The following GALNTL6 variants were observed in gnomAD, a reference collection of about 807,000 sequenced individuals.
GALNTL6 encodes the protein polypeptide N-acetylgalactosaminyltransferase like 6, also known as polypeptide N-acetylgalactosaminyltransferase-like 6.
Under a neutral mutation model 73.7 loss-of-function variants are expected in GALNTL6, and 46 were observed. The ratio of observed to expected loss-of-function variants is 0.62; its 90% CI spans 0.49 to 0.80. The LOEUF (loss-of-function observed/expected upper bound fraction) is 0.80. Ranked by LOEUF, GALNTL6 falls within the 30% of genes least tolerant of loss-of-function variation. The pLI is 0.00. For missense variants in GALNTL6, 604 were observed against 755.0 expected (o/e 0.80, Z 2.34); for synonymous variants, 259 against 263.7 (o/e 0.98, Z 0.17).
At chr4:172,021,033 G>T (rs1467052132) in intron 2 of GALNTL6, among the ~76,000 whole-genome samples, 3 of 151,942 alleles carry the variant, frequency 2.0e-5, no homozygotes, top group African/African-American at 7.2e-5. Flanking sequence ...CATATCAACA[G>T]AATGAAGGAC....
At chr4:172,206,898 A>AG (rs917592767) in intron 2 of GALNTL6, among the ~76,000 whole-genome samples, 6 of 142,006 alleles carry the variant, frequency 4.2e-5, no homozygotes, top group African/African-American at 1.6e-4. Context: ...ACTCACTGCA[A>AG]GCTCCGCCTC....
At chr4:172,476,931 T>G in intron 5 of GALNTL6, among the ~76,000 whole-genome samples, 1 of 119,056 alleles carries the variant, frequency 8.4e-6, no homozygotes. Flanking sequence ...ACTTTTTTTT[T>G]TTTTTTTTTT....
intron 2 of GALNTL6, among the ~76,000 whole-genome samples, chr4:171,915,372 G>A (rs577049002): frequency 3.3e-5 from 5 of 152,192 alleles, no homozygotes; most frequent in South Asian, 2.1e-4. Context: ...AATAACTGAC[G>A]ATGATGCTTC....
intron 5 of GALNTL6, among the ~76,000 whole-genome samples, chr4:172,642,303 A>G (rs185864387): frequency 2.6e-5 from 4 of 152,222 alleles, no homozygotes; most frequent in Admixed American, 2.0e-4. Context: ...ATTATTCACA[A>G]TAACTAAGGT....
intron 10 of GALNTL6, among the ~76,000 whole-genome samples, chr4:173,005,017 C>A (rs1337783645): frequency 6.6e-6 from 1 of 152,160 alleles, no homozygotes; most frequent in African/African-American, 2.4e-5. Context: ...TCCCCTACCC[C>A]ACATCTACTA....
intron 3 of GALNTL6, among the ~76,000 whole-genome samples, chr4:172,242,147 A>G (rs1246141203): frequency 6.6e-6 from 1 of 152,142 alleles, no homozygotes; most frequent in African/African-American, 2.4e-5. Flanking sequence ...AACTCTGCCT[A>G]TGACATTTTA....
intron 2 of GALNTL6, among the ~76,000 whole-genome samples, chr4:172,152,648 G>T (rs1313369106): frequency 6.6e-6 from 1 of 152,102 alleles, no homozygotes; most frequent in South Asian, 2.1e-4. Context: ...GAGCTCTGAC[G>T]CTGAGGCTGG....
chr4:172,496,145 A>G lies in GALNTL6; in HGVS notation c.553+147456A>G, dbSNP rs545137185. Among the ~76,000 whole-genome samples the G allele has an allele frequency of 5.8e-4, 89 of 152,198 alleles. 1 individual carries two copies. The highest frequency in any genetic ancestry group is 1.2e-3 in the Non-Finnish European group (83 of 68,030). ...TTTTTAATCTCTCATACAAAAGTGT[A>G]GATGGAAATGTGAAAAAACAATTGT... On this transcript the variant is annotated intron_variant, in intron 5 of 12. Coordinates refer to ENST00000506823, the MANE Select transcript of GALNTL6 (RefSeq NM_001034845.3).
At chr4:172,121,413 G>T (rs951876687) in intron 2 of GALNTL6, among the ~76,000 whole-genome samples, 3 of 152,026 alleles carry the variant, frequency 2.0e-5, no homozygotes, top group Non-Finnish European at 4.4e-5. Context: ...AGCTCTATTT[G>T]TCAGGGTTTT....
intron 2 of GALNTL6, among the ~76,000 whole-genome samples, chr4:172,141,534 A>G (rs1321883349): frequency 6.6e-6 from 1 of 151,976 alleles, no homozygotes; most frequent in Non-Finnish European, 1.5e-5. Flanking sequence ...AACTCAAGGT[A>G]AAAATAAGCA....
At chr4:171,845,900 C>T (rs1735355853) in intron 2 of GALNTL6, among the ~76,000 whole-genome samples, 1 of 152,128 alleles carries the variant, frequency 6.6e-6, no homozygotes, top group Non-Finnish European at 1.5e-5. Flanking sequence ...AAATTGTGAA[C>T]ATACTCATCA....
rs150826404 is a variant in GALNTL6, at chr4:172,723,303, A to G, written c.554-86058A>G. ...GGGGGGCCAATATTCTACTAACCAC[A>G]GTATGATATAATGAAAAAGAGGACC... is the stretch of plus-strand genomic sequence containing the variant. On this transcript the variant is annotated intron_variant, in intron 5 of 12. Coordinates refer to ENST00000506823, the MANE Select transcript of GALNTL6 (RefSeq NM_001034845.3). 4.6e-5 allele frequency among the ~76,000 whole-genome samples: 7 copies of G among 152,330 alleles called. 1 individual carries two copies. Among genetic ancestry groups the G allele is most frequent in the African/African-American group, 1.7e-4 (7 of 41,582 alleles).
intron 2 of GALNTL6, among the ~76,000 whole-genome samples, chr4:172,095,126 A>G (rs1414842021): frequency 6.6e-6 from 1 of 152,064 alleles, no homozygotes; most frequent in African/African-American, 2.4e-5. Context: ...GGGTCCAAAA[A>G]GAAGAAGAAA....
chr4:172,409,176 T>C (rs1017747265), intron 5 of GALNTL6, among the ~76,000 whole-genome samples: 2 of 152,142 alleles, frequency 1.3e-5, no homozygotes, highest in African/African-American at 4.8e-5. Flanking sequence ...TTTCAAAACA[T>C]GTATTTCAGT....
At chr4:172,134,968 C>G (rs1017116144) in intron 2 of GALNTL6, among the ~76,000 whole-genome samples, 20 of 152,290 alleles carry the variant, frequency 1.3e-4, no homozygotes, top group Admixed American at 1.0e-3. Context: ...CCGCACCTAA[C>G]TACAAAGAGG....
rs5864170 is a variant in GALNTL6 at position 172,809,912 on chromosome 4, TAC to T, written c.739+404_739+405del. Among the ~76,000 whole-genome samples, 32,333 of 140,762 alleles carry T rather than the reference TAC, an allele frequency of 0.23. 3,669 individuals are homozygous for T. Among genetic ancestry groups the T allele is most frequent in the Non-Finnish European group, 0.28 (17,973 of 64,076 alleles). The allele number at this position is 140,762 out of a possible 152,430, so 92.3% of individuals were successfully genotyped here. A position where few individuals can be genotyped will look rare whatever the true frequency, so the allele number is the denominator to read the frequency against. ...TCCTGTAGCTACAGCAAGATTAAAA[TAC>T]ACACACACACACACACACACACACA... On this transcript the variant is annotated intron_variant, in intron 6 of 12. Transcript: ENST00000506823. The surrounding 1 kb of genome is among the most constrained non-coding windows in gnomAD (Gnocchi z 4.4).
chr4:172,397,576 T>TATTTATTC (rs1328857238), intron 5 of GALNTL6, among the ~76,000 whole-genome samples: 2 of 151,084 alleles, frequency 1.3e-5, no homozygotes, highest in Non-Finnish European at 2.9e-5. Context: ...TTTATTTATT[T>TATTTATTC]ATTTATTTAT....
chr4:172,814,511 A>T (rs1168858570), intron 7 of GALNTL6, among the ~76,000 whole-genome samples: 1 of 152,186 alleles, frequency 6.6e-6, no homozygotes. Flanking sequence ...TATTCCTTAT[A>T]CTGCACCCTT....
At chr4:172,651,648 A>T (rs1740482125) in intron 5 of GALNTL6, among the ~76,000 whole-genome samples, 1 of 152,240 alleles carries the variant, frequency 6.6e-6, no homozygotes, top group Non-Finnish European at 1.5e-5. Context: ...GTAAGTTGTC[A>T]TTGATTATGA....
Sources: gnomAD v4.1 joint callset for allele counts (sites outside exome capture counted in the v4.1 genomes callset) on GRCh38, gnomAD v4.1.1 for gene constraint, Gnocchi (gnomAD v3.1) non-coding constraint, MANE v1.5 for transcripts, NCBI Gene and HGNC (gene_info 2026-07-23, HGNC 2026-07-21) for gene names.